ZNF728: variants seen among roughly 807,000 people sequenced by gnomAD.
The protein encoded by ZNF728 is zinc finger protein 728.
A neutral mutation model predicts 12.5 loss-of-function variants in ZNF728; 12 were observed. The ratio of observed to expected loss-of-function variants is 0.96; its 90% CI spans 0.61 to 1.55. ZNF728 has a LOEUF of 1.55. Ranked by LOEUF, ZNF728 falls within the 40% of genes most tolerant of loss-of-function variation. The probability of loss-of-function intolerance (pLI) is 0.00; values close to 1 mark genes in which losing one functional copy is unlikely to be tolerated. For missense variants in ZNF728, 692 were observed against 719.2 expected (o/e 0.96, Z 0.43); for synonymous variants, 205 against 240.7 (o/e 0.85, Z 1.37).
rs773107571 is a variant in ZNF728 at position 22,975,429 on chromosome 19, G to C, written c.*39C>G. ...TCCTGTATAAATACCCTTATGTTCA[G>C]TAAGGGTTAAGAACTAATTGAAAGC... On this transcript the variant is annotated 3_prime_UTR_variant, in exon 4 of 4. Coordinates refer to ENST00000594710, the MANE Select transcript of ZNF728 (RefSeq NM_001267716.2). 7.4e-6 allele frequency: 11 copies of C among 1,476,572 alleles called. No individual in the cohort carries two copies. Among genetic ancestry groups the C allele is most frequent in the Non-Finnish European group, 1.0e-5 (11 of 1,102,154 alleles). 91.5% of individuals were successfully genotyped at this position (1,476,572 alleles called of 1,614,324 possible). A position where few individuals can be genotyped will look rare whatever the true frequency, so the allele number is the denominator to read the frequency against.
chr19:22,994,358 G>A (rs1969026498), intron 1 of ZNF728, among the ~76,000 whole-genome samples: 1 of 152,198 alleles, frequency 6.6e-6, no homozygotes, highest in South Asian at 2.1e-4. Context: ...TTTACATTAT[G>A]TCTGGTAATT....
rs770062519 is a variant in ZNF728 at position 22,975,817 on chromosome 19, G to A, written c.1520C>T (p.Pro507Leu). The A allele has an allele frequency of 1.6e-5, 26 of 1,610,884 alleles. No homozygotes were observed. The highest frequency in any genetic ancestry group is 5.0e-5 in the Admixed American group (3 of 59,810). The part of the protein sequence containing the change: ...EHKRIHTGEK[P>L]YKCEECGKAF... ...TTTGCCACATTCTTCACATTTGTAG[G>A]GTTTCTCTCCAGTATGAATTCTCTT... The change falls in exon 4 of 4, where the codon CCC (proline) becomes CTC (leucine). Residue 507 changes from proline to leucine, a missense_variant. Transcript: ENST00000594710.
At chr19:22,997,445 G>T (rs925638620) in intron 1 of ZNF728, among the ~76,000 whole-genome samples, 1 of 152,100 alleles carries the variant, frequency 6.6e-6, no homozygotes, top group Non-Finnish European at 1.5e-5. Context: ...CAGAAACCAA[G>T]AAGTGTTTTG....
chr19:22,975,464 T>G lies in ZNF728; in HGVS notation c.*4A>C. ...AGAACTAATTGAAAGCTTTGCCACATTTTTCACATTTGTAGGGTTTTTCCT... is the reference window on the plus strand; with the variant it reads ...AGAACTAATTGAAAGCTTTGCCACAGTTTTCACATTTGTAGGGTTTTTCCT... On this transcript the variant is annotated 3_prime_UTR_variant, in exon 4 of 4. Transcript: ENST00000594710. The G allele has an allele frequency of 6.5e-7, 1 of 1,536,150 alleles. No homozygotes were observed. Among genetic ancestry groups the G allele is most frequent in the East Asian group, 2.3e-5 (1 of 42,916 alleles).
At chr19:22,980,470 A>G (rs916272107) in intron 3 of ZNF728, among the ~76,000 whole-genome samples, 1 of 152,172 alleles carries the variant, frequency 6.6e-6, no homozygotes, top group African/African-American at 2.4e-5. Flanking sequence ...TAGCCCCATC[A>G]ATGAGACAGA....
Position 22,976,937 on chromosome 19 carries a change from T to A in ZNF728, c.400A>T (p.Asn134Tyr), listed in dbSNP as rs1030994019. 3 of 1,613,448 alleles carry A rather than the reference T, an allele frequency of 1.9e-6. No homozygotes were observed. In the African/African-American group the frequency reaches 4.0e-5, roughly 22 times the overall value. Residue 134 changes from asparagine to tyrosine, a missense_variant, in exon 4 of 4, where the codon AAC becomes TAC. Around this residue, in one of 3 missense-constraint regions of ZNF728, gnomAD observed 440 missense variants for 459.6 expected, o/e 0.96. Transcript: ENST00000594710. ...CTTTGTGTAGTTGTCAAACTCTGGT[T>A]AAGCTTATTATAACCTTTTTTGTGC... ...KVHKKGYNKLNQSLTTTQSKV... is the reference protein window; with the variant it reads ...KVHKKGYNKLYQSLTTTQSKV...
chr19:22,990,419 C>A (rs1246023836), intron 1 of ZNF728, among the ~76,000 whole-genome samples: 1 of 152,130 alleles, frequency 6.6e-6, no homozygotes, highest in African/African-American at 2.4e-5. Context: ...GGCAGAAGGA[C>A]CAAGACAGAA....
In ZNF728 at chr19:23,003,122, ACGACACACAG is replaced by A; in HGVS notation, c.-102_-93del. On this transcript the variant is annotated 5_prime_UTR_variant, in exon 1 of 4. Transcript: ENST00000594710. The stretch of plus-strand genomic sequence containing the variant: ...ATAGAAGCTGGGCCTTTAGGAGCGG[ACGACACACAG>A]CAGTAAGGACGACACCTTGACCTCC... The A allele has an allele frequency of 6.9e-7, 1 of 1,449,564 alleles. No individual in the cohort carries two copies. 89.8% of individuals were successfully genotyped at this position (1,449,564 alleles called of 1,614,324 possible).
At chr19:22,980,254 T>C (rs1007300854) in intron 3 of ZNF728, among the ~76,000 whole-genome samples, 2 of 147,624 alleles carry the variant, frequency 1.4e-5, no homozygotes, top group African/African-American at 5.0e-5. Flanking sequence ...AAACAGACTT[T>C]AAACCAACAA....
At chr19:23,003,004 G>GGATGT (rs1393230027) in intron 1 of ZNF728, 24 bp downstream of exon 1, 1 of 1,586,990 alleles carries the variant, frequency 6.3e-7, no homozygotes, top group Non-Finnish European at 8.6e-7. Flanking sequence ...CACTCTCTCG[G>GGATGT]GATGTCGGAC....
Position 22,992,432 on chromosome 19 carries a change from G to A in ZNF728, c.4-3981C>T, listed in dbSNP as rs377265748. ...TAATTTTTGTATTTTTAGTAGAGAC[G>A]GGATTTCACTATGTTGGCCAGGCTG... On this transcript the variant is annotated intron_variant, in intron 1 of 3. Transcript: ENST00000594710. Among the ~76,000 whole-genome samples, 104 of 152,024 alleles carry A rather than the reference G, an allele frequency of 6.8e-4. No individual in the cohort carries two copies. The Middle Eastern group carries it at 0.014, about 20-fold the overall frequency.
At chr19:22,988,486 G>C in intron 1 of ZNF728, 35 bp from the exon 2 acceptor site, 1 of 1,609,382 alleles carries the variant, frequency 6.2e-7, no homozygotes, top group Non-Finnish European at 8.5e-7. Context: ...TATTTACCAA[G>C]TGGTCATGGG....
Position 22,977,070 on chromosome 19 carries a change from C to T in ZNF728, c.267G>A (p.Gln89=), listed in dbSNP as rs774599266. 6.2e-7 allele frequency: 1 copy of T among 1,605,130 alleles called. No homozygotes were observed. Residue 89 remains glutamine, a synonymous_variant, in exon 4 of 4, where the codon CAG becomes CAA. Transcript: ENST00000594710. ...SHFAQDLWPE[Q]GREDSFQKVI... The stretch of plus-strand genomic sequence containing the variant: ...CTTTTTGGAAAGAATCTTCTCTGCC[C>T]TGCTCTGGCCAAAGGTCTTGAGCAA...
At chr19:22,981,851 A>C (rs1249431606) in intron 3 of ZNF728, among the ~76,000 whole-genome samples, 3 of 152,164 alleles carry the variant, frequency 2.0e-5, no homozygotes, top group Admixed American at 6.6e-5. Context: ...AAAAACTCTC[A>C]ATAAACTAGG....
chr19:22,998,758 T>G (rs1452117938), intron 1 of ZNF728, among the ~76,000 whole-genome samples: 1 of 152,148 alleles, frequency 6.6e-6, no homozygotes, highest in Non-Finnish European at 1.5e-5. Context: ...ATATAGATAA[T>G]AAATAGCTGT....
chr19:22,975,620 A>G lies in ZNF728; in HGVS notation c.1717T>C (p.Phe573Leu). ...TTGTTAAGGACTGAGACCCAGCTAA[A>G]GGCTTTGCCACATTCTTCACATTTG... ...PYKCEECGKA[F>L]SWVSVLNKHK... Residue 573 changes from phenylalanine to leucine, a missense_variant, in exon 4 of 4, where the codon TTT (phenylalanine) becomes CTT (leucine). By Grantham distance (22) the Phe-to-Leu change is conservative (BLOSUM62 0). Around this residue, in one of 3 missense-constraint regions of ZNF728, gnomAD observed 244 missense variants for 235.2 expected, o/e 1.04. Coordinates refer to ENST00000594710, the MANE Select transcript of ZNF728 (RefSeq NM_001267716.2). 2 of 1,611,552 alleles carry G rather than the reference A, an allele frequency of 1.2e-6. No homozygotes were observed. The highest frequency in any genetic ancestry group is 2.7e-5 in the African/African-American group (2 of 75,048).
chr19:22,979,274 A>T (rs570999956), intron 3 of ZNF728, among the ~76,000 whole-genome samples: 1 of 152,326 alleles, frequency 6.6e-6, no homozygotes, highest in South Asian at 2.1e-4. Flanking sequence ...GAGACTGAAG[A>T]TCAACTTAAT....
rs115108751 is a variant in ZNF728 at position 22,993,185 on chromosome 19, T to C, written c.4-4734A>G. On this transcript the variant is annotated intron_variant, in intron 1 of 3. Transcript: ENST00000594710. ...CTGTGGCAGATTAATGAAGAAGATG[T>C]GAAAAGGTCAAAAAGCCACACTCTC... 6.0e-3 allele frequency among the ~76,000 whole-genome samples: 916 copies of C among 152,284 alleles called. 9 individuals are homozygous for C. Among genetic ancestry groups the C allele is most frequent in the African/African-American group, 0.021 (864 of 41,564 alleles).
At chr19:23,002,982 A>C (rs772420251) in intron 1 of ZNF728, 46 bp downstream of exon 1, 2 of 1,585,496 alleles carry the variant, frequency 1.3e-6, no homozygotes, top group Non-Finnish European at 8.6e-7. Flanking sequence ...ACCGGTTCCA[A>C]CCAGCGGCTG....
Sources: gnomAD v4.1 joint callset for allele counts (sites outside exome capture counted in the v4.1 genomes callset) on GRCh38, gnomAD v4.1.1 for gene constraint, gnomAD v4.1.1 regional missense constraint, MANE v1.5 for transcripts, NCBI Gene and HGNC (gene_info 2026-07-23, HGNC 2026-07-21) for gene names.